MAP4: variants seen among roughly 807,000 people sequenced by gnomAD.
MAP4 encodes microtubule-associated protein 4.
MAP4 carries 76 observed loss-of-function variants against 170.2 expected under a neutral mutation model. That is an observed-to-expected ratio of 0.45 (90% CI 0.37 to 0.54). The LOEUF (loss-of-function observed/expected upper bound fraction) is 0.54. Ranked by LOEUF, MAP4 falls within the 20% of genes least tolerant of loss-of-function variation. MAP4 has a pLI of 0.00. For missense variants in MAP4, 2,506 were observed against 2,748.0 expected (o/e 0.91, Z 1.97); for synonymous variants, 909 against 994.5 (o/e 0.91, Z 1.62).
intron 2 of MAP4, among the ~76,000 whole-genome samples, chr3:47,992,838 A>T (rs2100093164): frequency 6.8e-6 from 1 of 146,314 alleles, no homozygotes; most frequent in South Asian, 2.4e-4. Context: ...CAGGAGGTAG[A>T]GGTTGCAGTG....
chr3:47,982,992 G>A (rs980557605), intron 2 of MAP4, among the ~76,000 whole-genome samples: 11 of 152,096 alleles, frequency 7.2e-5, no homozygotes, highest in African/African-American at 2.7e-4. Context: ...CTGTCTCCCG[G>A]GTTCAAGCAA....
chr3:48,085,191 T>TAAA (rs896066878), intron 1 of MAP4, among the ~76,000 whole-genome samples: 1 of 98,834 alleles, frequency 1.0e-5, no homozygotes, highest in Non-Finnish European at 2.1e-5. Flanking sequence ...GCTTAATCTT[T>TAAA]AAAAAAAAAA....
Position 47,912,149 on chromosome 3 carries a change from C to A in MAP4, c.2272G>T (p.Ala758Ser). The A allele has an allele frequency of 6.5e-7, 1 of 1,536,140 alleles. No homozygotes were observed. The highest frequency in any genetic ancestry group is 8.7e-7 in the Non-Finnish European group (1 of 1,146,910). ...LEPQRDLGRE[A>S]WDIESTPIMM... Reference sequence around the variant, plus strand: ...ATTGGTGTGCTTTCTATATCCCAGGCCTCCCTGCCAAGATCCCTCTGGGGT... The same window carrying A: ...ATTGGTGTGCTTTCTATATCCCAGGACTCCCTGCCAAGATCCCTCTGGGGT... Residue 758 changes from alanine to serine, a missense_variant, in exon 9 of 21, where the codon GCC (alanine) becomes TCC (serine). Transcript: ENST00000683076.
chr3:47,930,800 A>G (rs1485082092), intron 3 of MAP4, among the ~76,000 whole-genome samples: 2 of 150,470 alleles, frequency 1.3e-5, no homozygotes, highest in South Asian at 2.1e-4. Flanking sequence ...ATGGTGGAGG[A>G]TGCCTGTAGT....
rs1175443681 is a variant in MAP4 at position 48,076,792 on chromosome 3, C to A, written c.-20+11981G>T. On this transcript the variant is annotated intron_variant, in intron 1 of 18. Coordinates refer to the MAP4 transcript ENST00000360240. The stretch of plus-strand genomic sequence containing the variant: ...CGTTTCTTAGATGTGACACCTATAG[C>A]ACAAGCAACCAAGAAAAAACTAGAT... 2.0e-5 allele frequency among the ~76,000 whole-genome samples: 3 copies of A among 152,108 alleles called. No homozygotes were observed. In the East Asian group the frequency reaches 5.8e-4, roughly 29 times the overall value.
chr3:47,926,544 C>T (rs1166569182), intron 4 of MAP4, among the ~76,000 whole-genome samples: 2 of 152,074 alleles, frequency 1.3e-5, no homozygotes, highest in Non-Finnish European at 2.9e-5. Flanking sequence ...TCTGTCTACA[C>T]ATCTATCAGG....
intron 1 of MAP4, among the ~76,000 whole-genome samples, chr3:48,076,235 G>T (rs562878524): frequency 6.6e-6 from 1 of 151,750 alleles, no homozygotes; most frequent in Non-Finnish European, 1.5e-5. Context: ...AGTGGCTCAC[G>T]CCTGTAATCC....
intron 17 of MAP4, among the ~76,000 whole-genome samples, chr3:47,863,909 TGTGTGGGTGTGG>T (rs922430994): frequency 8.2e-6 from 1 of 121,968 alleles, no homozygotes; most frequent in African/African-American, 3.5e-5. Flanking sequence ...TGTGTGTGTG[TGTGTGGGTGTGG>T]GTGTGTGTGT....
At chr3:48,071,223 ATAAG>A (rs1219544659) in intron 1 of MAP4, among the ~76,000 whole-genome samples, 2 of 152,034 alleles carry the variant, frequency 1.3e-5, no homozygotes, top group Admixed American at 6.6e-5. Flanking sequence ...GGAAAGGAAA[ATAAG>A]TAAGCTTGAG....
At chr3:47,951,862 G>GA (rs1452980102) in intron 3 of MAP4, among the ~76,000 whole-genome samples, 2 of 150,858 alleles carry the variant, frequency 1.3e-5, no homozygotes, top group Non-Finnish European at 2.9e-5. Flanking sequence ...TCTGGAAAGT[G>GA]AGGAGCGTCT....
At chr3:47,880,475 T>TTG (rs2096534482) in intron 10 of MAP4, among the ~76,000 whole-genome samples, 2 of 146,436 alleles carry the variant, frequency 1.4e-5, no homozygotes, top group African/African-American at 2.5e-5. Flanking sequence ...GTTTTTTTTT[T>TTG]TTTTTTTTTT....
At position 47,912,297 on chromosome 3, in the gene MAP4, T is replaced by C. The variant is rs1378218046; in HGVS notation, c.2124A>G (p.Pro708=). The C allele has an allele frequency of 7.8e-6, 12 of 1,536,138 alleles. No homozygotes were observed. Among genetic ancestry groups the C allele is most frequent in the Non-Finnish European group, 1.0e-5 (12 of 1,146,910 alleles). The change falls in exon 9 of 21, where the codon CCA becomes CCG. Residue 708 remains proline (P), a synonymous_variant. Coordinates refer to ENST00000683076, the MANE Select transcript of MAP4 (RefSeq NM_001385682.1). ...VPPELLGGSP[P]WKTLDHRLGH... ...CCAGCCTGTGATCAAGAGTCTTCCA[T>C]GGAGGAGAGCCTCCCAGCAGCTCAG...
chr3:47,874,020 T>A (rs563556298), intron 12 of MAP4, among the ~76,000 whole-genome samples: 2 of 152,336 alleles, frequency 1.3e-5, no homozygotes, highest in African/African-American at 4.8e-5. Flanking sequence ...TCTCTACAAA[T>A]CTTTCTACCA....
At chr3:48,051,189 G>A (rs1276204704) in intron 1 of MAP4, among the ~76,000 whole-genome samples, 1 of 151,700 alleles carries the variant, frequency 6.6e-6, no homozygotes, top group Non-Finnish European at 1.5e-5. Flanking sequence ...AAGGTGGATG[G>A]ATCATCTGAG....
At chr3:47,895,688 C>T (rs983501591) in intron 10 of MAP4, among the ~76,000 whole-genome samples, 3 of 152,188 alleles carry the variant, frequency 2.0e-5, no homozygotes, top group Admixed American at 2.0e-4. Flanking sequence ...TTCATCCCTA[C>T]CCAACAGCTA....
At chr3:47,881,090 T>C (rs1030613732) in intron 10 of MAP4, among the ~76,000 whole-genome samples, 2 of 152,120 alleles carry the variant, frequency 1.3e-5, no homozygotes, top group African/African-American at 4.8e-5. Context: ...TTGCTAAGTT[T>C]TCTAAATGTA....
At chr3:47,853,940 G>C (rs1024244738) in intron 19 of MAP4, among the ~76,000 whole-genome samples, 1 of 152,212 alleles carries the variant, frequency 6.6e-6, no homozygotes, top group Non-Finnish European at 1.5e-5. Context: ...GGCCTGGAGG[G>C]CGTCATAGGA....
chr3:47,978,762 T>A (rs1294763530), intron 2 of MAP4, among the ~76,000 whole-genome samples: 1 of 151,304 alleles, frequency 6.6e-6, no homozygotes, highest in Non-Finnish European at 1.5e-5. Flanking sequence ...TTTTTTTTTT[T>A]AAGGAAATTA....
intron 3 of MAP4, among the ~76,000 whole-genome samples, chr3:47,958,743 G>GC (rs1420518763): frequency 6.6e-5 from 10 of 150,532 alleles, no homozygotes; most frequent in Non-Finnish European, 1.2e-4. Flanking sequence ...GAGTGCAGCG[G>GC]CAAGATCTCG....
Sources: gnomAD v4.1 joint callset for allele counts (sites outside exome capture counted in the v4.1 genomes callset) on GRCh38, gnomAD v4.1.1 for gene constraint, MANE v1.5 for transcripts, NCBI Gene and HGNC (gene_info 2026-07-23, HGNC 2026-07-21) for gene names.